Variants in DEDD observed in about 807,000 individuals in gnomAD.
DEDD encodes the protein death effector domain containing.
In DEDD, 3 loss-of-function variants were observed where a neutral mutation model predicts 29.2. That is an observed-to-expected ratio of 0.10 (90% CI 0.05 to 0.27). The LOEUF is 0.27. Among genes scored for constraint, DEDD ranks in the 10% least tolerant of loss-of-function variants. The pLI, the probability that DEDD is intolerant of heterozygous loss-of-function variation, is 1.00. For missense variants in DEDD, 261 were observed against 420.5 expected (o/e 0.62, Z 3.32); for synonymous variants, 152 against 161.3 (o/e 0.94, Z 0.44).
chr1:161,124,073 C>T, intron 3 of DEDD, 65 bp downstream of exon 3: 1 of 1,580,786 alleles, frequency 6.3e-7, no homozygotes, highest in Non-Finnish European at 8.6e-7. Flanking sequence ...CCTTTGGACG[C>T]CTATGCTGCT....
At chr1:161,128,924 G>A (rs1656398693) in intron 2 of DEDD, among the ~76,000 whole-genome samples, 1 of 152,148 alleles carries the variant, frequency 6.6e-6, no homozygotes, top group Non-Finnish European at 1.5e-5. Context: ...TTGCCATTCA[G>A]CTGAGGAACA....
chr1:161,123,559 C>A (rs1316265132), intron 4 of DEDD, among the ~76,000 whole-genome samples: 1 of 151,076 alleles, frequency 6.6e-6, no homozygotes, highest in African/African-American at 2.4e-5. Context: ...TGGCGTGCAC[C>A]TGGGAAGTGG....
At chr1:161,123,021 C>T in intron 5 of DEDD, 54 bp downstream of exon 5, 1 of 1,614,226 alleles carries the variant, frequency 6.2e-7, no homozygotes, top group Non-Finnish European at 8.5e-7. Context: ...CCCAGCAGTT[C>T]TTTATATTCT....
At position 161,130,413 on chromosome 1, in the gene DEDD, C is replaced by T. The variant is rs148819660; in HGVS notation, c.-65+402G>A. Among the ~76,000 whole-genome samples, 1,361 of 152,090 alleles carry T rather than the reference C, an allele frequency of 8.9e-3. 12 individuals are homozygous for T. Among genetic ancestry groups the T allele is most frequent in the Admixed American group, 0.018 (271 of 15,286 alleles). Reference sequence around the variant, plus strand: ...GTTTTCAAAAGAAGGATGCCAGGAACCCCCCAACAGCTGAAAGAGAAAGTT... The same window carrying T: ...GTTTTCAAAAGAAGGATGCCAGGAATCCCCCAACAGCTGAAAGAGAAAGTT... On this transcript the variant is annotated intron_variant, in intron 2 of 5. Transcript: ENST00000368006.
intron 2 of DEDD, among the ~76,000 whole-genome samples, chr1:161,126,231 C>G (rs1333795686): frequency 6.6e-6 from 1 of 152,132 alleles, no homozygotes; most frequent in African/African-American, 2.4e-5. Flanking sequence ...CTAAATCCAT[C>G]CACTGCCACA....
chr1:161,126,376 C>T (rs1424576983), intron 2 of DEDD, among the ~76,000 whole-genome samples: 1 of 146,134 alleles, frequency 6.8e-6, no homozygotes, highest in African/African-American at 2.6e-5. Context: ...GACAGAGTCA[C>T]TCTGTCGCCC....
At position 161,124,437 on chromosome 1, in the gene DEDD, C is replaced by G; in HGVS notation, c.26G>C (p.Ser9Thr). Residue 9 changes from serine (S) to threonine (T), a missense_variant, in exon 3 of 6, where the codon AGC (serine) becomes ACC (threonine). By Grantham distance (58) the Ser-to-Thr change is moderately conservative. Transcript: ENST00000368006. MAGLKRRASQVWPEEHGEQ... is the reference protein window; with the variant it reads MAGLKRRATQVWPEEHGEQ... ...ACCATGCTCTTCTGGCCACACCTGG[C>G]TTGCCCGCCGCTTTAGGCCCGCCAT... The G allele has an allele frequency of 6.2e-7, 1 of 1,604,502 alleles. No individual in the cohort carries two copies. The highest frequency in any genetic ancestry group is 8.5e-7 in the Non-Finnish European group (1 of 1,172,368).
chr1:161,125,781 C>T (rs1241382671), intron 2 of DEDD, among the ~76,000 whole-genome samples: 1 of 152,158 alleles, frequency 6.6e-6, no homozygotes, highest in African/African-American at 2.4e-5. Flanking sequence ...GGATTACAGG[C>T]GTGAGCCACC....
chr1:161,127,577 T>C (rs765607173), intron 2 of DEDD, among the ~76,000 whole-genome samples: 17 of 152,150 alleles, frequency 1.1e-4, no homozygotes, highest in Non-Finnish European at 1.2e-4. Context: ...GGTTCTGATA[T>C]GTAGACAGGA....
chr1:161,122,619 A>G lies in DEDD; in HGVS notation c.581-96T>C. ...ACTGAAAAGCACAACAGAATAAAAA[A>G]GTAGGGAATATCACCTGACAGCTTC... On this transcript the variant is annotated intron_variant, in intron 5 of 5. Coordinates refer to ENST00000368006, the MANE Select transcript of DEDD (RefSeq NM_032998.3). This position sits in a 1 kb window ranked among gnomAD's most constrained non-coding sequence, Gnocchi z 4.2. The G allele has an allele frequency of 6.9e-7, 1 of 1,455,624 alleles. No homozygotes were observed. The highest frequency in any genetic ancestry group is 9.3e-7 in the Non-Finnish European group (1 of 1,080,216). 90.2% of individuals were successfully genotyped at this position (1,455,624 alleles called of 1,614,324 possible).
intron 1 of DEDD, 148 bp downstream of exon 1, chr1:161,132,403 C>T (rs1226349232): frequency 6.5e-6 from 1 of 154,852 alleles, no homozygotes; most frequent in Non-Finnish European, 1.5e-5. Flanking sequence ...CTCAGCGTCC[C>T]GTCACCTCCC....
intron 2 of DEDD, among the ~76,000 whole-genome samples, chr1:161,127,978 C>T (rs535862392): frequency 3.3e-5 from 5 of 152,276 alleles, no homozygotes; most frequent in African/African-American, 9.6e-5. Context: ...CACATACCCT[C>T]GCAATGGAAA....
intron 2 of DEDD, 103 bp from the exon 3 acceptor site, chr1:161,124,629 C>CCTG: frequency 4.5e-6 from 6 of 1,344,858 alleles, no homozygotes; most frequent in South Asian, 3.5e-5. Flanking sequence ...CAGTATAGTG[C>CCTG]TTTATACATG....
intron 2 of DEDD, among the ~76,000 whole-genome samples, chr1:161,127,796 T>C (rs1181127091): frequency 2.0e-5 from 3 of 152,222 alleles, no homozygotes; most frequent in Non-Finnish European, 4.4e-5. Flanking sequence ...CCCCTGCAAC[T>C]TCTCTTTGTT....
chr1:161,132,017 TCC>T (rs766532604), intron 1 of DEDD: 5 of 150,220 alleles, frequency 3.3e-5, no homozygotes, highest in Non-Finnish European at 7.4e-5. Context: ...ACCCAAATTC[TCC>T]CCTAGGCCCT....
At chr1:161,125,915 C>T (rs1656119224) in intron 2 of DEDD, among the ~76,000 whole-genome samples, 1 of 152,220 alleles carries the variant, frequency 6.6e-6, no homozygotes, top group Non-Finnish European at 1.5e-5. Flanking sequence ...TCACAAAGTT[C>T]CTCCATCGTT....
chr1:161,122,464 C>T lies in DEDD; in HGVS notation c.640G>A (p.Val214Ile), dbSNP rs1337376405. 2 of 1,614,206 alleles carry T rather than the reference C, an allele frequency of 1.2e-6. No homozygotes were observed. Among genetic ancestry groups the T allele is most frequent in the South Asian group, 1.1e-5 (1 of 91,086 alleles). ...AGTGGGTCCTGCTTGTTAGAGAAGA[C>T]ATTGCCCTGCAGAGCAGTCTCATGC... ...CQHETALQGN[V>I]FSNKQDPLER... The change falls in exon 6 of 6, where the codon GTC (valine) becomes ATC (isoleucine). Residue 214 changes from valine (V) to isoleucine (I), a missense_variant. Coordinates refer to ENST00000368006, the MANE Select transcript of DEDD (RefSeq NM_032998.3). The surrounding 1 kb of genome is among the most constrained non-coding windows in gnomAD (Gnocchi z 4.2).
In DEDD at chr1:161,123,069, C is replaced by G; in HGVS notation, c.580+6G>C. ...CTCCATCTCTGGAACCCTTGAACTTCCTCACCACATGTCTGCTTCTCCTTG... is the reference window on the plus strand; with the variant it reads ...CTCCATCTCTGGAACCCTTGAACTTGCTCACCACATGTCTGCTTCTCCTTG... On this transcript the variant is annotated splice_donor_region_variant and intron_variant, in intron 5 of 5. Transcript: ENST00000368006. The G allele has an allele frequency of 6.2e-7, 1 of 1,614,202 alleles. No individual in the cohort carries two copies. The highest frequency in any genetic ancestry group is 8.5e-7 in the Non-Finnish European group (1 of 1,180,038).
At chr1:161,124,076 ATGC>A in intron 3 of DEDD, 59 bp downstream of exon 3, 3 of 1,582,408 alleles carry the variant, frequency 1.9e-6, no homozygotes, top group Non-Finnish European at 2.6e-6. Flanking sequence ...TTGGACGCCT[ATGC>A]TGCTCCTTCC....
Sources: gnomAD v4.1 joint callset for allele counts (sites outside exome capture counted in the v4.1 genomes callset) on GRCh38, gnomAD v4.1.1 for gene constraint, Gnocchi (gnomAD v3.1) non-coding constraint, MANE v1.5 for transcripts, NCBI Gene and HGNC (gene_info 2026-07-23, HGNC 2026-07-21) for gene names.